C12orf54: variants seen among roughly 807,000 people sequenced by gnomAD.
The protein encoded by C12orf54 is chromosome 12 open reading frame 54, also known as uncharacterized protein C12orf54.
Under a neutral mutation model 26.4 loss-of-function variants are expected in C12orf54, and 24 were observed. The observed-to-expected ratio is 0.91, with a 90% CI of 0.66 to 1.28. The LOEUF is 1.28. Ranked by LOEUF, C12orf54 falls within the 50% of genes most tolerant of loss-of-function variation. The pLI is 0.00. For missense variants in C12orf54, 154 were observed against 150.9 expected, an observed-to-expected ratio of 1.02 and a Z score of -0.11; for synonymous variants, 54 against 47.0, an observed-to-expected ratio of 1.15 and a Z score of -0.61.
the C12orf54 span, among the ~76,000 whole-genome samples, chr12:48,422,743 T>A: frequency 6.6e-6 from 1 of 152,136 alleles, no homozygotes; most frequent in African/African-American, 2.4e-5. Flanking sequence ...ACAGTGAAAA[T>A]ATCAATTTTC....
the C12orf54 span, among the ~76,000 whole-genome samples, chr12:48,414,709 G>A: frequency 0.45 from 68,187 of 151,986 alleles, 17,391 homozygotes; most frequent in Middle Eastern, 0.64. Flanking sequence ...ATACTCATGG[G>A]GAAGGTAGTA....
chr12:48,491,622 G>A (rs1364989435), intron 6 of C12orf54, among the ~76,000 whole-genome samples: 1 of 152,018 alleles, frequency 6.6e-6, no homozygotes, highest in Admixed American at 6.6e-5. Context: ...GCTGGCACAG[G>A]GATAGAATGG....
the C12orf54 span, among the ~76,000 whole-genome samples, chr12:48,416,748 G>A: frequency 6.6e-6 from 1 of 152,068 alleles, no homozygotes; most frequent in Non-Finnish European, 1.5e-5. Flanking sequence ...TGTAATCCCA[G>A]CTACTCGGGA....
the C12orf54 span, among the ~76,000 whole-genome samples, chr12:48,457,790 A>T: frequency 1.3e-5 from 2 of 152,092 alleles, no homozygotes; most frequent in African/African-American, 2.4e-5. Flanking sequence ...CTCCACAATG[A>T]CACTGAAATT....
chr12:48,465,623 T>C, the C12orf54 span, among the ~76,000 whole-genome samples: 2 of 152,156 alleles, frequency 1.3e-5, no homozygotes, highest in Admixed American at 6.6e-5. Flanking sequence ...CATATGTTCA[T>C]TGCATCACTA....
upstream of C12orf54, among the ~76,000 whole-genome samples, chr12:48,480,675 C>T (rs1954189316): frequency 1.3e-5 from 2 of 152,154 alleles, no homozygotes; most frequent in African/African-American, 4.8e-5. Context: ...AAAAATGGAA[C>T]TTCCATTTGA....
the C12orf54 span, among the ~76,000 whole-genome samples, chr12:48,423,929 G>A: frequency 6.6e-6 from 1 of 152,036 alleles, no homozygotes; most frequent in Non-Finnish European, 1.5e-5. Context: ...AAGAGGGAAA[G>A]CACTCAGTGT....
the C12orf54 span, among the ~76,000 whole-genome samples, chr12:48,420,311 G>C: frequency 2.0e-5 from 3 of 152,178 alleles, no homozygotes; most frequent in African/African-American, 7.2e-5. Context: ...TTCCTTATAT[G>C]TATGGATGTA....
the C12orf54 span, among the ~76,000 whole-genome samples, chr12:48,426,349 C>T: frequency 6.6e-6 from 1 of 152,112 alleles, no homozygotes; most frequent in Admixed American, 6.6e-5. Context: ...GGGACCCTTT[C>T]TCCATTGCTT....
chr12:48,472,833 A>C, the C12orf54 span: 4 of 1,614,028 alleles, frequency 2.5e-6, no homozygotes, highest in African/African-American at 5.3e-5. Flanking sequence ...CCTCACCTCA[A>C]TTGCAAACTT....
chr12:48,416,162 C>T, the C12orf54 span, among the ~76,000 whole-genome samples: 3 of 152,314 alleles, frequency 2.0e-5, no homozygotes, highest in Admixed American at 2.0e-4. Flanking sequence ...AGCTCCTAAT[C>T]ATCATTCCTG....
chr12:48,448,359 C>T, the C12orf54 span, among the ~76,000 whole-genome samples: 2 of 149,664 alleles, frequency 1.3e-5, no homozygotes, highest in Non-Finnish European at 3.0e-5. Context: ...ACATAAATGT[C>T]TCTTGTTATA....
chr12:48,424,990 A>G, the C12orf54 span, among the ~76,000 whole-genome samples: 154 of 152,262 alleles, frequency 1.0e-3, no homozygotes, highest in African/African-American at 3.6e-3. Context: ...ATACATATAT[A>G]CATTTTTCAA....
At chr12:48,476,837 T>C in the C12orf54 span, among the ~76,000 whole-genome samples, 7 of 152,220 alleles carry the variant, frequency 4.6e-5, no homozygotes, top group African/African-American at 7.2e-5. Context: ...GACAGATCAA[T>C]GAGACAGAAA....
intron 2 of C12orf54, among the ~76,000 whole-genome samples, chr12:48,484,712 ATAGT>A (rs989195260): frequency 2.6e-5 from 4 of 152,244 alleles, no homozygotes; most frequent in African/African-American, 4.8e-5. Context: ...GTATTTCAAA[ATAGT>A]TAGCTGAGAA....
At chr12:48,439,775 A>G in the C12orf54 span, among the ~76,000 whole-genome samples, 1 of 152,172 alleles carries the variant, frequency 6.6e-6, no homozygotes, top group Non-Finnish European at 1.5e-5. Flanking sequence ...GAGGGATAGC[A>G]TTAGGAGATA....
chr12:48,432,730 G>A, the C12orf54 span, among the ~76,000 whole-genome samples: 6 of 152,188 alleles, frequency 3.9e-5, no homozygotes, highest in East Asian at 5.8e-4. Flanking sequence ...TTAGCCAGGC[G>A]TGGTGGTACA....
chr12:48,432,861 CT>C, the C12orf54 span, among the ~76,000 whole-genome samples: 1 of 131,252 alleles, frequency 7.6e-6, no homozygotes, highest in Non-Finnish European at 1.7e-5. Flanking sequence ...AAGAGTGAAA[CT>C]TTTTCTACAA....
chr12:48,458,441 C>T, the C12orf54 span, among the ~76,000 whole-genome samples: 22,079 of 152,078 alleles, frequency 0.15, 2,814 homozygotes, highest in East Asian at 0.66. Context: ...TTGTTCATAT[C>T]ACCTTTCTAC....
Sources: allele counts gnomAD v4.1 joint callset (sites outside exome capture counted in the v4.1 genomes callset), GRCh38; gene constraint gnomAD v4.1.1; transcripts MANE v1.5; gene names NCBI Gene and HGNC (gene_info 2026-07-23, HGNC 2026-07-21).